Variants in PPP2R2D observed in about 807,000 individuals in gnomAD.
PPP2R2D encodes serine/threonine-protein phosphatase 2A 55 kDa regulatory subunit B delta isoform.
A neutral mutation model predicts 31.1 loss-of-function variants in PPP2R2D; 9 were observed. The ratio of observed to expected loss-of-function variants is 0.29; its 90% CI spans 0.17 to 0.51. PPP2R2D has a LOEUF of 0.51. PPP2R2D is among the 20% of genes least tolerant of loss of function. The pLI is 0.98. For missense variants in PPP2R2D, 391 were observed against 465.6 expected, an observed-to-expected ratio of 0.84 and a Z score of 1.48; for synonymous variants, 179 against 172.6, an observed-to-expected ratio of 1.04 and a Z score of -0.29.
intron 2 of PPP2R2D, among the ~76,000 whole-genome samples, chr10:131,906,520 C>T (rs1225996978): frequency 6.6e-6 from 1 of 152,036 alleles, no homozygotes; most frequent in African/African-American, 2.4e-5. Context: ...GATAGCCTTT[C>T]CAAGGGAGTT....
intron 2 of PPP2R2D, among the ~76,000 whole-genome samples, chr10:131,916,562 G>A (rs1486984652): frequency 1.1e-4 from 17 of 152,064 alleles, no homozygotes; most frequent in Admixed American, 6.6e-5. Context: ...GGCCCCTGGC[G>A]ACCACCATTC....
intron 2 of PPP2R2D, among the ~76,000 whole-genome samples, chr10:131,932,778 A>G (rs1431801543): frequency 1.3e-5 from 2 of 151,998 alleles, no homozygotes; most frequent in Non-Finnish European, 2.9e-5. Context: ...TGATAATTTA[A>G]ACGTTGTTGG....
rs2036263019 is a variant in PPP2R2D, at chr10:131,932,670, AC to A, written c.101-1787del. Among the ~76,000 whole-genome samples the A allele has an allele frequency of 1.1e-3, 137 of 123,796 alleles. 1 individual carries two copies. Among genetic ancestry groups the A allele is most frequent in the African/African-American group, 5.6e-3 (123 of 21,928 alleles). The allele number at this position is 123,796 out of a possible 152,430, so 81.2% of individuals were successfully genotyped here. The stretch of plus-strand genomic sequence containing the variant: ...TCAAAAAAAAAAAAAAAAAAAAAAC[AC>A]ACAAAAAAAACCTAACTTGGTGCCT... On this transcript the variant is annotated intron_variant, in intron 2 of 8. Coordinates refer to ENST00000455566, the MANE Select transcript of PPP2R2D (RefSeq NM_018461.5).
At chr10:131,919,900 A>G (rs1263036943) in intron 2 of PPP2R2D, among the ~76,000 whole-genome samples, 2 of 145,734 alleles carry the variant, frequency 1.4e-5, no homozygotes, top group African/African-American at 2.6e-5. Flanking sequence ...GACGCAGTGT[A>G]GGGACCTCAG....
rs1399913651 is a variant in PPP2R2D at position 131,943,414 on chromosome 10, T to G, written c.478-554T>G. Among the ~76,000 whole-genome samples, 4 of 152,204 alleles carry G rather than the reference T, an allele frequency of 2.6e-5. No individual in the cohort carries two copies. The East Asian group carries it at 5.8e-4, about 22-fold the overall frequency. On this transcript the variant is annotated intron_variant, in intron 5 of 8. Transcript: ENST00000455566. ...ACCAGCTCCATGAATGTTTGTAGGG[T>G]GCACATGCCCATGTAGCCAGCCCCA... is the stretch of plus-strand genomic sequence containing the variant.
the PPP2R2D span, chr10:131,967,391 A>C: frequency 1.3e-5 from 2 of 152,260 alleles, no homozygotes; most frequent in African/African-American, 4.8e-5. Flanking sequence ...CGATGATCTC[A>C]GACTATTCTG....
rs1554901127 is a variant in PPP2R2D at position 131,959,617 on chromosome 10, T to TTA, written c.*3654_*3655insTA. 6.5e-6 allele frequency: 1 copy of TTA among 152,682 alleles called. No homozygotes were observed. Among genetic ancestry groups the TTA allele is most frequent in the African/African-American group, 2.4e-5 (1 of 41,430 alleles). The allele number at this position is 152,682 out of a possible 1,614,324, so 9.5% of individuals were successfully genotyped here. ...AGTGCCACTTGAGTTCACATTAAGTTAGAAATTGAGAATCTAAAGGTACCT... is the reference window on the plus strand; with the variant it reads ...AGTGCCACTTGAGTTCACATTAAGTTTAAGAAATTGAGAATCTAAAGGTACCT... On this transcript the variant is annotated 3_prime_UTR_variant, in exon 9 of 9. Coordinates refer to ENST00000455566, the MANE Select transcript of PPP2R2D (RefSeq NM_018461.5).
chr10:131,944,254 C>T (rs1184307255), intron 6 of PPP2R2D, 109 bp downstream of exon 6: 2 of 843,116 alleles, frequency 2.4e-6, no homozygotes, highest in Non-Finnish European at 1.8e-6. Flanking sequence ...TTGTAAATAC[C>T]ATCACTGCAC....
At chr10:131,908,761 T>G (rs1307377215) in intron 2 of PPP2R2D, among the ~76,000 whole-genome samples, 2 of 152,338 alleles carry the variant, frequency 1.3e-5, no homozygotes, top group East Asian at 3.9e-4. Flanking sequence ...AACTGGTAAC[T>G]GTTCAGAGGC....
At chr10:131,939,982 C>A in intron 3 of PPP2R2D, 49 bp from the exon 4 acceptor site, 1 of 508,126 alleles carries the variant, frequency 2.0e-6, no homozygotes. Flanking sequence ...CTGAAATTTT[C>A]TCTACACTGT....
chr10:131,921,044 C>G (rs1427500380), intron 2 of PPP2R2D, among the ~76,000 whole-genome samples: 26 of 152,246 alleles, frequency 1.7e-4, no homozygotes, highest in Admixed American at 1.6e-3. Flanking sequence ...CTTTGTTTTG[C>G]TAATATGATG....
At chr10:131,902,450 CTG>C (rs2035515889) in intron 2 of PPP2R2D, among the ~76,000 whole-genome samples, 1 of 152,150 alleles carries the variant, frequency 6.6e-6, no homozygotes, top group African/African-American at 2.4e-5. Context: ...CTGAGGACAT[CTG>C]GAGATTCTGC....
chr10:131,967,106 T>C, the PPP2R2D span: 44,864 of 151,978 alleles, frequency 0.3, 6,809 homozygotes, highest in East Asian at 0.45. Context: ...ATCTTCTGAC[T>C]TCAGGTGATC....
Position 131,940,095 on chromosome 10 carries a change from C to T in PPP2R2D, c.263C>T (p.Pro88Leu), listed in dbSNP as rs961319905. ...NVYSTFQSHE[P>L]EFDYLKSLEI... The stretch of plus-strand genomic sequence containing the variant: ...TACAGCACCTTTCAAAGTCATGAAC[C>T]GGAGTTTGACTATTTGAAAAGTCTA... Residue 88 changes from proline (P) to leucine (L), a missense_variant, in exon 4 of 9, where the codon CCG becomes CTG. Around this residue, in one of 3 missense-constraint regions of PPP2R2D, gnomAD observed 105 missense variants for 98.5 expected, o/e 1.07. Coordinates refer to ENST00000455566, the MANE Select transcript of PPP2R2D (RefSeq NM_018461.5). The T allele has an allele frequency of 1.3e-6, 1 of 778,076 alleles. No homozygotes were observed. 48.2% of individuals were successfully genotyped at this position (778,076 alleles called of 1,614,324 possible).
At chr10:131,909,529 G>A (rs1166836851) in intron 2 of PPP2R2D, among the ~76,000 whole-genome samples, 1 of 152,184 alleles carries the variant, frequency 6.6e-6, no homozygotes, top group Admixed American at 6.6e-5. Context: ...TGTCCCTGTT[G>A]CAACGACTGA....
intron 2 of PPP2R2D, among the ~76,000 whole-genome samples, chr10:131,911,046 T>A (rs1649510775): frequency 6.6e-6 from 1 of 152,152 alleles, no homozygotes; most frequent in Non-Finnish European, 1.5e-5. Flanking sequence ...TAAACTAAAG[T>A]GTTTCCCTGA....
chr10:131,941,984 T>G (rs782022006), intron 5 of PPP2R2D, among the ~76,000 whole-genome samples: 1 of 152,216 alleles, frequency 6.6e-6, no homozygotes, highest in Non-Finnish European at 1.5e-5. Flanking sequence ...GCTGCCGCCT[T>G]TGCACCCCTG....
intron 7 of PPP2R2D, among the ~76,000 whole-genome samples, chr10:131,946,855 T>C (rs1271107414): frequency 1.3e-5 from 2 of 152,094 alleles, no homozygotes; most frequent in Non-Finnish European, 2.9e-5. Context: ...AGGATCTTTC[T>C]GAAAATAGGA....
At chr10:131,952,393 A>G (rs1589961981) in intron 8 of PPP2R2D, among the ~76,000 whole-genome samples, 1 of 39,162 alleles carries the variant, frequency 2.6e-5, no homozygotes, top group African/African-American at 1.1e-4. Context: ...GCGGGGGTTC[A>G]CTGTCTTAGT....
Sources: allele counts gnomAD v4.1 joint callset (sites outside exome capture counted in the v4.1 genomes callset), GRCh38; gene constraint gnomAD v4.1.1; regional missense constraint gnomAD v4.1.1; transcripts MANE v1.5; gene names NCBI Gene and HGNC (gene_info 2026-07-23, HGNC 2026-07-21).